The following CHMP4B variants were observed in gnomAD, a reference collection of about 807,000 sequenced individuals.
CHMP4B encodes the protein charged multivesicular body protein 4B.
In CHMP4B, 1 loss-of-function variant was observed where a neutral mutation model predicts 25.1. That is an observed-to-expected ratio of 0.04 (90% CI 0.01 to 0.19). The LOEUF is 0.19. CHMP4B is among the 10% of genes least tolerant of loss of function. The pLI is 1.00. For missense variants in CHMP4B, 151 were observed against 289.7 expected (o/e 0.52, Z 3.48); for synonymous variants, 101 against 115.6 (o/e 0.87, Z 0.81).
chr20:33,818,721 T>C (rs1168544783), intron 1 of CHMP4B, among the ~76,000 whole-genome samples: 2 of 152,352 alleles, frequency 1.3e-5, no homozygotes, highest in East Asian at 1.9e-4. Context: ...TTTCTGCCTC[T>C]TGGGGCCACA....
intron 1 of CHMP4B, among the ~76,000 whole-genome samples, chr20:33,835,019 C>T (rs1979352782): frequency 6.6e-6 from 1 of 152,142 alleles, no homozygotes; most frequent in Non-Finnish European, 1.5e-5. Context: ...TGGTCTTGAA[C>T]TCCTGACCTC....
rs530509835 is a variant in CHMP4B, at chr20:33,850,845, C to T, written c.369-107C>T. On this transcript the variant is annotated intron_variant, in intron 2 of 4. Coordinates refer to ENST00000217402, the MANE Select transcript of CHMP4B (RefSeq NM_176812.5). ...CAGGGAGTCATTGCAGGGGGTGTGGCTGGGAAGCTGATTTTGTGGGGCCCA... is the reference window on the plus strand; with the variant it reads ...CAGGGAGTCATTGCAGGGGGTGTGGTTGGGAAGCTGATTTTGTGGGGCCCA... 1.2e-3 allele frequency: 906 copies of T among 776,134 alleles called. 1 individual carries two copies. Among genetic ancestry groups the T allele is most frequent in the Non-Finnish European group, 1.8e-3 (791 of 433,012 alleles). 48.1% of individuals were successfully genotyped at this position (776,134 alleles called of 1,614,324 possible).
intron 1 of CHMP4B, among the ~76,000 whole-genome samples, chr20:33,842,135 T>C (rs1979560559): frequency 6.6e-6 from 1 of 152,184 alleles, no homozygotes; most frequent in Non-Finnish European, 1.5e-5. Context: ...TCGTAACTCT[T>C]ACTTAGTCAA....
chr20:33,851,151 A>G (rs1282512206), intron 3 of CHMP4B, 85 bp downstream of exon 3: 7 of 889,488 alleles, frequency 7.9e-6, no homozygotes, highest in Non-Finnish European at 1.3e-5. Flanking sequence ...GCTCTCAGGC[A>G]GGGAGCATTT....
chr20:33,822,133 T>TTTTATTTA (rs574290731), intron 1 of CHMP4B, among the ~76,000 whole-genome samples: 1 of 151,604 alleles, frequency 6.6e-6, no homozygotes, highest in Non-Finnish European at 1.5e-5. Flanking sequence ...CCTATTGCTA[T>TTTTATTTA]TTTATTTATT....
At chr20:33,848,353 A>G (rs571160904) in intron 1 of CHMP4B, 114 bp from the exon 2 acceptor site, 5 of 983,536 alleles carry the variant, frequency 5.1e-6, no homozygotes, top group African/African-American at 1.6e-5. Context: ...ATCCTCTGCT[A>G]TAGTGGAAGC....
chr20:33,817,771 CT>C (rs1260661324), intron 1 of CHMP4B, among the ~76,000 whole-genome samples: 1 of 152,138 alleles, frequency 6.6e-6, no homozygotes, highest in Non-Finnish European at 1.5e-5. Context: ...TAGAAAACAA[CT>C]TTAGTTGGTC....
At chr20:33,815,788 C>T (rs1441068896) in intron 1 of CHMP4B, among the ~76,000 whole-genome samples, 1 of 152,184 alleles carries the variant, frequency 6.6e-6, no homozygotes, top group Non-Finnish European at 1.5e-5. Flanking sequence ...GAACTCAACT[C>T]AAAGACCAGT....
At chr20:33,827,939 G>A (rs976957824) in intron 1 of CHMP4B, among the ~76,000 whole-genome samples, 3 of 152,316 alleles carry the variant, frequency 2.0e-5, no homozygotes, top group Admixed American at 6.5e-5. Flanking sequence ...GATGGCGATC[G>A]AAGAGAAAAT....
chr20:33,830,933 G>GTTTTTTTTTGTTTTTTTTTTTTTTT (rs1979223937), intron 1 of CHMP4B, among the ~76,000 whole-genome samples: 1 of 102,524 alleles, frequency 9.8e-6, no homozygotes, highest in Non-Finnish European at 1.9e-5. Context: ...AAGGAACAGA[G>GTTTTTTTTTGTTTTTTTTTTTTTTT]TTTTTTTTTT....
intron 1 of CHMP4B, among the ~76,000 whole-genome samples, chr20:33,833,452 A>G (rs1262593971): frequency 6.6e-6 from 1 of 152,132 alleles, no homozygotes; most frequent in East Asian, 1.9e-4. Context: ...CTGTGGCCTC[A>G]GTTCAGGCTC....
intron 2 of CHMP4B, 34 bp from the exon 3 acceptor site, chr20:33,850,918 C>A: frequency 6.7e-7 from 1 of 1,492,506 alleles, no homozygotes; most frequent in South Asian, 1.1e-5. Context: ...GCAGCCTAAT[C>A]GATTGATATG....
intron 1 of CHMP4B, among the ~76,000 whole-genome samples, chr20:33,840,257 A>G (rs368135924): frequency 3.6e-4 from 54 of 148,836 alleles, no homozygotes; most frequent in East Asian, 5.9e-4. Flanking sequence ...AAAAAAAAAA[A>G]GGGGGGGGAC....
At chr20:33,840,023 A>G (rs1979491056) in intron 1 of CHMP4B, among the ~76,000 whole-genome samples, 1 of 152,110 alleles carries the variant, frequency 6.6e-6, no homozygotes, top group South Asian at 2.1e-4. Flanking sequence ...CTGCTGTTAT[A>G]TATTAACTTT....
At position 33,853,964 on chromosome 20, in the gene CHMP4B, T is replaced by C. The variant is rs1979934923; in HGVS notation, c.*404T>C. Reference sequence around the variant, plus strand: ...AGTTGACTTGCCGCACATCTCTTTGTGTACTTGTACGGTACTGGCAGAAAA... The same window carrying C: ...AGTTGACTTGCCGCACATCTCTTTGCGTACTTGTACGGTACTGGCAGAAAA... On this transcript the variant is annotated 3_prime_UTR_variant, in exon 5 of 5. Transcript: ENST00000217402. 3.2e-6 allele frequency: 1 copy of C among 310,102 alleles called. No homozygotes were observed. The highest frequency in any genetic ancestry group is 4.6e-5 in the Admixed American group (1 of 21,892). 19.2% of individuals were successfully genotyped at this position (310,102 alleles called of 1,614,324 possible).
intron 1 of CHMP4B, among the ~76,000 whole-genome samples, chr20:33,840,728 G>A (rs1014888158): frequency 2.0e-5 from 3 of 152,178 alleles, no homozygotes; most frequent in African/African-American, 7.2e-5. Flanking sequence ...AGCCAGTTAG[G>A]TGTCGGTGTT....
At chr20:33,850,467 G>T (rs1210656202) in intron 2 of CHMP4B, among the ~76,000 whole-genome samples, 1 of 152,214 alleles carries the variant, frequency 6.6e-6, no homozygotes, top group African/African-American at 2.4e-5. Flanking sequence ...TTGTCAGTGT[G>T]TAGAAGAAAA....
At chr20:33,849,777 TTTA>T (rs1449972902) in intron 2 of CHMP4B, among the ~76,000 whole-genome samples, 1 of 152,122 alleles carries the variant, frequency 6.6e-6, no homozygotes, top group African/African-American at 2.4e-5. Flanking sequence ...TAAATAAAGT[TTTA>T]TTATTATTTG....
intron 4 of CHMP4B, among the ~76,000 whole-genome samples, chr20:33,852,466 C>G (rs1979881904): frequency 9.3e-6 from 1 of 107,456 alleles, no homozygotes. Context: ...CCTCTCTGGG[C>G]CGAGAGATGG....
Sources: allele counts gnomAD v4.1 joint callset (sites outside exome capture counted in the v4.1 genomes callset), GRCh38; gene constraint gnomAD v4.1.1; transcripts MANE v1.5; gene names NCBI Gene and HGNC (gene_info 2026-07-23, HGNC 2026-07-21).